GMDS: variants seen among roughly 807,000 people sequenced by gnomAD.
GMDS encodes GDP-mannose 4,6-dehydratase, also known as GDP-mannose 4,6 dehydratase.
Under a neutral mutation model 49.9 loss-of-function variants are expected in GMDS, and 20 were observed. That is an observed-to-expected ratio of 0.40 (90% confidence interval 0.28 to 0.58). The LOEUF (loss-of-function observed/expected upper bound fraction) is 0.58, where lower values mean the gene tolerates loss of function less well. Ranked by LOEUF, GMDS falls within the 20% of genes least tolerant of loss-of-function variation. GMDS has a pLI of 0.42. For missense variants in GMDS, 362 were observed against 481.4 expected, an observed-to-expected ratio of 0.75 and a Z score of 2.32; for synonymous variants, 177 against 178.6, an observed-to-expected ratio of 0.99 and a Z score of 0.07.
intron 6 of GMDS, among the ~76,000 whole-genome samples, chr6:1,958,913 T>C (rs887678399): frequency 3.3e-5 from 5 of 152,174 alleles, no homozygotes; most frequent in Admixed American, 2.6e-4. Context: ...CTTCAGTAAA[T>C]CAGAAGTAAT....
At chr6:1,955,877 T>C (rs1473262542) in intron 6 of GMDS, among the ~76,000 whole-genome samples, 1 of 152,188 alleles carries the variant, frequency 6.6e-6, no homozygotes, top group African/African-American at 2.4e-5. Context: ...GAGTTGTGGT[T>C]GTTGGACAAA....
chr6:1,969,506 T>A (rs1364086902), intron 4 of GMDS, among the ~76,000 whole-genome samples: 1 of 152,082 alleles, frequency 6.6e-6, no homozygotes, highest in Non-Finnish European at 1.5e-5. Context: ...GCTTTTCAGC[T>A]GAAACAAGAA....
chr6:2,194,069 T>G (rs940559223), intron 1 of GMDS, among the ~76,000 whole-genome samples: 1 of 152,174 alleles, frequency 6.6e-6, no homozygotes, highest in Non-Finnish European at 1.5e-5. Flanking sequence ...AAATATGATG[T>G]GTCTTTCTCA....
At chr6:1,699,750 G>A (rs1370447446) in intron 9 of GMDS, among the ~76,000 whole-genome samples, 1 of 152,134 alleles carries the variant, frequency 6.6e-6, no homozygotes, top group East Asian at 1.9e-4. Context: ...CATTTGCAAA[G>A]TCTCTGGATT....
chr6:2,187,236 A>C (rs1232243147), intron 1 of GMDS, among the ~76,000 whole-genome samples: 4 of 152,136 alleles, frequency 2.6e-5, no homozygotes, highest in Non-Finnish European at 4.4e-5. Flanking sequence ...AGTGGCCCCT[A>C]CCTGTCTTCA....
At chr6:1,682,219 T>C (rs1764814249) in intron 9 of GMDS, among the ~76,000 whole-genome samples, 1 of 152,246 alleles carries the variant, frequency 6.6e-6, no homozygotes, top group Non-Finnish European at 1.5e-5. Context: ...TATTTTATTC[T>C]ATAATTTATT....
intron 8 of GMDS, among the ~76,000 whole-genome samples, chr6:1,740,512 G>A (rs1293324917): frequency 4.0e-5 from 6 of 151,026 alleles, no homozygotes; most frequent in African/African-American, 1.5e-4. Context: ...AGCCAAGATC[G>A]TGCCACTGCA....
chr6:2,197,057 G>A (rs1339731410), intron 1 of GMDS, among the ~76,000 whole-genome samples: 3 of 150,762 alleles, frequency 2.0e-5, no homozygotes, highest in Non-Finnish European at 4.4e-5. Context: ...ACCCTTCCTA[G>A]GAGAAGCAAC....
intron 1 of GMDS, among the ~76,000 whole-genome samples, chr6:2,200,628 G>A (rs558994494): frequency 2.0e-5 from 3 of 148,894 alleles, no homozygotes; most frequent in African/African-American, 5.0e-5. Flanking sequence ...GCAGAGAGGC[G>A]AAGGATGAAG....
At chr6:1,742,992 C>T (rs1457033516) in intron 7 of GMDS, among the ~76,000 whole-genome samples, 1 of 152,126 alleles carries the variant, frequency 6.6e-6, no homozygotes, top group Non-Finnish European at 1.5e-5. Flanking sequence ...TTTAATTTTT[C>T]TTCATATCAT....
chr6:1,841,492 A>G (rs746661180), intron 7 of GMDS, among the ~76,000 whole-genome samples: 3 of 151,864 alleles, frequency 2.0e-5, no homozygotes, highest in African/African-American at 4.8e-5. Flanking sequence ...GCTTCCTACT[A>G]AAGATCCATG....
At chr6:2,185,858 A>G (rs1180185430) in intron 1 of GMDS, among the ~76,000 whole-genome samples, 1 of 152,192 alleles carries the variant, frequency 6.6e-6, no homozygotes, top group African/African-American at 2.4e-5. Flanking sequence ...TTTCTAGAAT[A>G]TGCTCACATT....
intron 4 of GMDS, among the ~76,000 whole-genome samples, chr6:2,114,550 C>T (rs1289196023): frequency 6.6e-6 from 1 of 152,052 alleles, no homozygotes; most frequent in Admixed American, 6.6e-5. Flanking sequence ...ACCTAAAGAC[C>T]CTGATACCTT....
At chr6:2,052,740 T>C (rs1770498242) in intron 4 of GMDS, among the ~76,000 whole-genome samples, 1 of 152,230 alleles carries the variant, frequency 6.6e-6, no homozygotes, top group Admixed American at 6.5e-5. Flanking sequence ...GGAGAAACTT[T>C]TAAAAGAGGT....
intron 4 of GMDS, among the ~76,000 whole-genome samples, chr6:1,999,319 TC>T (rs1359347841): frequency 0.047 from 4,921 of 105,446 alleles, 201 homozygotes; most frequent in African/African-American, 0.096. Flanking sequence ...AGACTCTGTC[TC>T]AAAAAAAAAA....
chr6:1,849,116 T>C (rs1757543330), intron 7 of GMDS, among the ~76,000 whole-genome samples: 1 of 152,218 alleles, frequency 6.6e-6, no homozygotes. Context: ...GGCCTAGACC[T>C]GTAAGTATAG....
intron 1 of GMDS, among the ~76,000 whole-genome samples, chr6:2,168,205 A>G (rs1380788538): frequency 6.6e-6 from 1 of 152,210 alleles, no homozygotes; most frequent in East Asian, 1.9e-4. Flanking sequence ...TGTTAGCAAC[A>G]GTCATGCTCC....
intron 9 of GMDS, among the ~76,000 whole-genome samples, chr6:1,681,117 A>AATCT (rs1222603364): frequency 6.6e-6 from 1 of 152,022 alleles, no homozygotes; most frequent in East Asian, 1.9e-4. Flanking sequence ...TACACCTACA[A>AATCT]ATACACACAC....
At chr6:1,841,169 C>A (rs1180213124) in intron 7 of GMDS, among the ~76,000 whole-genome samples, 1 of 152,110 alleles carries the variant, frequency 6.6e-6, no homozygotes, top group Non-Finnish European at 1.5e-5. Flanking sequence ...GGTGGTAAGT[C>A]ATGGGCATTT....
Sources: allele counts gnomAD v4.1 joint callset (sites outside exome capture counted in the v4.1 genomes callset), GRCh38; gene constraint gnomAD v4.1.1; transcripts MANE v1.5; gene names NCBI Gene and HGNC (gene_info 2026-07-23, HGNC 2026-07-21).